RHAG: variants seen among roughly 807,000 people sequenced by gnomAD.
RHAG encodes the protein Rh associated glycoprotein.
Under a neutral mutation model 42.4 loss-of-function variants are expected in RHAG, and 25 were observed. That is an observed-to-expected ratio of 0.59 (90% confidence interval 0.43 to 0.82). RHAG has a LOEUF of 0.82. Among genes scored for constraint, RHAG ranks in the 40% least tolerant of loss-of-function variants. The probability of loss-of-function intolerance (pLI) is 0.00; values close to 1 mark genes in which losing one functional copy is unlikely to be tolerated. For synonymous variants in RHAG, 182 were observed against 177.7 expected (o/e 1.02, Z -0.19); for missense variants, 483 against 504.6 (o/e 0.96, Z 0.41).
intron 1 of RHAG, 56 bp downstream of exon 1, chr6:49,636,600 T>C: frequency 6.4e-7 from 1 of 1,556,090 alleles, no homozygotes; most frequent in South Asian, 1.1e-5. Context: ...TTGTTTTACA[T>C]TCTGAGAAAC....
intron 1 of RHAG, among the ~76,000 whole-genome samples, chr6:49,627,286 A>G (rs907402104): frequency 3.9e-5 from 6 of 152,160 alleles, no homozygotes; most frequent in African/African-American, 1.4e-4. Flanking sequence ...TTCTTCCACT[A>G]GATACCCTAA....
chr6:49,619,098 AT>A, intron 2 of RHAG, 80 bp downstream of exon 2: 4 of 1,490,620 alleles, frequency 2.7e-6, no homozygotes, highest in Non-Finnish European at 3.7e-6. Context: ...CCACCTCTTA[AT>A]ATCATCATGT....
chr6:49,607,840 G>A (rs986895706), intron 7 of RHAG, among the ~76,000 whole-genome samples: 3 of 152,168 alleles, frequency 2.0e-5, no homozygotes, highest in African/African-American at 7.2e-5. Context: ...CTTACTCATA[G>A]CAGACAATAA....
chr6:49,606,791 A>T, intron 9 of RHAG, 57 bp downstream of exon 9: 1 of 1,192,034 alleles, frequency 8.4e-7, no homozygotes, highest in Non-Finnish European at 1.3e-6. Flanking sequence ...TGAAGTGTGT[A>T]AAGCTTTCAC....
rs183287433 is a variant in RHAG at position 49,619,470 on chromosome 6, A to C, written c.158-108T>G. On this transcript the variant is annotated intron_variant, in intron 1 of 9. Transcript: ENST00000371175. ...TGCTACCACCTTTGTATAACACACTAGGAAAAGAGAGCATTTAACTGGGAA... is the reference window on the plus strand; with the variant it reads ...TGCTACCACCTTTGTATAACACACTCGGAAAAGAGAGCATTTAACTGGGAA... The C allele has an allele frequency of 9.9e-6, 10 of 1,009,122 alleles. No homozygotes were observed. The African/African-American group carries it at 1.4e-4, about 15-fold the overall frequency. 62.5% of individuals were successfully genotyped at this position (1,009,122 alleles called of 1,614,324 possible). A position where few individuals can be genotyped will look rare whatever the true frequency, so the allele number is the denominator to read the frequency against.
intron 2 of RHAG, 85 bp from the exon 3 acceptor site, chr6:49,618,303 C>T (rs1312767103): frequency 4.9e-6 from 7 of 1,435,484 alleles, no homozygotes; most frequent in Non-Finnish European, 5.9e-6. Flanking sequence ...CCACCAGGCA[C>T]ATCCAGTGCT....
rs1581934096 is a variant in RHAG, at chr6:49,605,342, T to C, written c.*471A>G. ...AGACTATTTTTAAAATAAAAAGCACTACCTAAAATCATCATATTACTACTT... is the reference window on the plus strand; with the variant it reads ...AGACTATTTTTAAAATAAAAAGCACCACCTAAAATCATCATATTACTACTT... On this transcript the variant is annotated 3_prime_UTR_variant, in exon 10 of 10. Transcript: ENST00000371175. 1 of 170,656 alleles carries C rather than the reference T, an allele frequency of 5.9e-6. No homozygotes were observed. Among genetic ancestry groups the C allele is most frequent in the Non-Finnish European group, 1.3e-5 (1 of 77,840 alleles). 10.6% of individuals were successfully genotyped at this position (170,656 alleles called of 1,614,324 possible).
intron 1 of RHAG, among the ~76,000 whole-genome samples, chr6:49,621,701 G>A (rs151133724): frequency 3.7e-4 from 56 of 152,170 alleles, no homozygotes; most frequent in Non-Finnish European, 7.2e-4. Context: ...ATTTGATCTA[G>A]ATCATAGAAT....
rs201683457 is a variant in RHAG, at chr6:49,636,832, G to C, written c.-20C>G. 52 of 1,613,360 alleles carry C rather than the reference G, an allele frequency of 3.2e-5. No individual in the cohort carries two copies. The highest frequency in any genetic ancestry group is 1.6e-4 in the Middle Eastern group (1 of 6,062). On this transcript the variant is annotated 5_prime_UTR_variant, in exon 1 of 10. Coordinates refer to ENST00000371175, the MANE Select transcript of RHAG (RefSeq NM_000324.3). ...CCTCATGTTTGTGGCAAAGGACAGA[G>C]GCACACTGAGAGCTTCACAGGCTGT...
intron 1 of RHAG, among the ~76,000 whole-genome samples, chr6:49,630,643 A>C (rs1762921906): frequency 6.6e-6 from 1 of 152,184 alleles, no homozygotes; most frequent in African/African-American, 2.4e-5. Flanking sequence ...AGAATACAAT[A>C]AACACTTACA....
At chr6:49,633,824 A>G (rs1019398137) in intron 1 of RHAG, among the ~76,000 whole-genome samples, 1 of 152,134 alleles carries the variant, frequency 6.6e-6, no homozygotes, top group Non-Finnish European at 1.5e-5. Context: ...TGCTTCGTTT[A>G]CAGCCATGGC....
intron 1 of RHAG, among the ~76,000 whole-genome samples, chr6:49,626,454 C>T (rs373740128): frequency 6.6e-6 from 1 of 152,208 alleles, no homozygotes; most frequent in Admixed American, 6.5e-5. Context: ...ACATCCAGGT[C>T]ACACTGATGC....
intron 2 of RHAG, 121 bp downstream of exon 2, chr6:49,619,058 C>T: frequency 1.9e-6 from 2 of 1,062,216 alleles, no homozygotes; most frequent in East Asian, 2.5e-5. Context: ...AAACACTCTG[C>T]CTTCATGACC....
At chr6:49,624,912 A>T (rs1164576827) in intron 1 of RHAG, among the ~76,000 whole-genome samples, 1 of 152,180 alleles carries the variant, frequency 6.6e-6, no homozygotes, top group Non-Finnish European at 1.5e-5. Context: ...ACATGCATAA[A>T]ACCCCCCATA....
intron 1 of RHAG, among the ~76,000 whole-genome samples, chr6:49,630,546 T>G (rs1053028590): frequency 2.5e-4 from 38 of 152,222 alleles, no homozygotes; most frequent in African/African-American, 9.2e-4. Flanking sequence ...AAACTCATCT[T>G]TTTTGAGAGA....
chr6:49,634,298 C>A (rs572754204), intron 1 of RHAG, among the ~76,000 whole-genome samples: 8 of 152,224 alleles, frequency 5.3e-5, no homozygotes, highest in Middle Eastern at 3.4e-3. Flanking sequence ...ACACCCTTCC[C>A]AATATCTAGT....
intron 1 of RHAG, among the ~76,000 whole-genome samples, chr6:49,634,020 G>T: frequency 6.6e-6 from 1 of 151,896 alleles, no homozygotes; most frequent in South Asian, 2.1e-4. Context: ...ACACATTTAT[G>T]GGATACATGT....
chr6:49,619,125 T>C (rs931763238), intron 2 of RHAG, 54 bp downstream of exon 2: 4 of 1,582,806 alleles, frequency 2.5e-6, no homozygotes, highest in South Asian at 2.2e-5. Flanking sequence ...GTTAAGAGTG[T>C]AATATATGAA....
chr6:49,615,729 C>A lies in RHAG; in HGVS notation c.535G>T (p.Ala179Ser), dbSNP rs781746699. 2 of 1,614,126 alleles carry A rather than the reference C, an allele frequency of 1.2e-6. No homozygotes were observed. Among genetic ancestry groups the A allele is most frequent in the East Asian group, 2.2e-5 (1 of 44,866 alleles). The change falls in exon 4 of 10, where the codon GCC (alanine) becomes TCC (serine). Residue 179 changes from alanine to serine, a missense_variant. By Grantham distance (99) the Ala-to-Ser change is moderately conservative (BLOSUM62 1). Coordinates refer to ENST00000371175, the MANE Select transcript of RHAG (RefSeq NM_000324.3). The stretch of plus-strand genomic sequence containing the variant: ...CCTGCTACAGCCAAGCCAAAGTAGG[C>A]CCCAAAGGCATGGATCGTCATTGAT... Reference protein sequence around the residue: ...GASMTIHAFGAYFGLAVAGIL... With the variant: ...GASMTIHAFGSYFGLAVAGIL...
Sources: allele counts gnomAD v4.1 joint callset (sites outside exome capture counted in the v4.1 genomes callset), GRCh38; gene constraint gnomAD v4.1.1; transcripts MANE v1.5; gene names NCBI Gene and HGNC (gene_info 2026-07-23, HGNC 2026-07-21).